LRP1B: variants seen among roughly 807,000 people sequenced by gnomAD.
The protein encoded by LRP1B is LDL receptor related protein 1B.
Under a neutral mutation model 556.6 loss-of-function variants are expected in LRP1B, and 217 were observed. The ratio of observed to expected loss-of-function variants is 0.39; its 90% confidence interval spans 0.35 to 0.44. The LOEUF is 0.44. LRP1B is among the 20% of genes least tolerant of loss of function. The pLI is 1.00. For synonymous variants in LRP1B, 2,047 were observed against 1,865.8 expected, an observed-to-expected ratio of 1.10 and a Z score of -2.50; for missense variants, 5,053 against 5,620.8, an observed-to-expected ratio of 0.90 and a Z score of 3.23.
At chr2:141,576,778 G>A (rs1359378195) in intron 2 of LRP1B, among the ~76,000 whole-genome samples, 4 of 116,602 alleles carry the variant, frequency 3.4e-5, no homozygotes, top group African/African-American at 1.2e-4. Flanking sequence ...AAAAGCTTCA[G>A]TCTGACCCTG....
intron 43 of LRP1B, among the ~76,000 whole-genome samples, chr2:140,590,587 C>T (rs1263558859): frequency 4.6e-5 from 7 of 151,826 alleles, no homozygotes; most frequent in Admixed American, 2.6e-4. Flanking sequence ...TCTCCCCAGC[C>T]CCCAACCCAG....
chr2:141,810,645 A>G (rs1696325744), intron 1 of LRP1B, among the ~76,000 whole-genome samples: 1 of 152,096 alleles, frequency 6.6e-6, no homozygotes, highest in Non-Finnish European at 1.5e-5. Flanking sequence ...AATAGTTAAA[A>G]ATTCTGTTCC....
intron 2 of LRP1B, among the ~76,000 whole-genome samples, chr2:141,586,798 CG>C (rs1183125595): frequency 2.0e-5 from 3 of 151,844 alleles, no homozygotes; most frequent in Non-Finnish European, 4.4e-5. Flanking sequence ...AAAAATTAGC[CG>C]GGCATGGTGG....
At chr2:141,320,587 T>C (rs1687204054) in intron 3 of LRP1B, among the ~76,000 whole-genome samples, 1 of 152,080 alleles carries the variant, frequency 6.6e-6, no homozygotes, top group Admixed American at 6.6e-5. Flanking sequence ...ACAGTACATC[T>C]CACCTACAAA....
chr2:140,470,756 T>G (rs1687736316), intron 60 of LRP1B, among the ~76,000 whole-genome samples: 1 of 151,860 alleles, frequency 6.6e-6, no homozygotes, highest in Non-Finnish European at 1.5e-5. Flanking sequence ...TCATGTCATA[T>G]TTTTCAACAC....
chr2:141,542,138 C>A (rs1003931002), intron 2 of LRP1B, among the ~76,000 whole-genome samples: 1 of 151,966 alleles, frequency 6.6e-6, no homozygotes, highest in African/African-American at 2.4e-5. Flanking sequence ...ACTAGGTGAA[C>A]CTTACACCTT....
intron 83 of LRP1B, among the ~76,000 whole-genome samples, chr2:140,311,141 A>G (rs1684278844): frequency 1.3e-5 from 2 of 151,988 alleles, no homozygotes; most frequent in Non-Finnish European, 2.9e-5. Flanking sequence ...CTAAAAATAA[A>G]ACTACCATTT....
At chr2:141,545,797 G>A (rs1218455001) in intron 2 of LRP1B, among the ~76,000 whole-genome samples, 1 of 152,090 alleles carries the variant, frequency 6.6e-6, no homozygotes, top group Non-Finnish European at 1.5e-5. Context: ...AGACAAAAAG[G>A]CCATGAGAGA....
In LRP1B at chr2:141,559,675, T is replaced by C. The variant is rs570543812; in HGVS notation, c.206-79142A>G. Among the ~76,000 whole-genome samples the C allele has an allele frequency of 8.8e-4, 134 of 151,752 alleles. 2 individuals carry two copies. The highest frequency in any genetic ancestry group is 3.1e-3 in the African/African-American group (128 of 41,494). ...GTTTTATCATTGCCAGCACCATGCATTGAATATTGTAGGTGCATGGTAAAT... is the reference window on the plus strand; with the variant it reads ...GTTTTATCATTGCCAGCACCATGCACTGAATATTGTAGGTGCATGGTAAAT... On this transcript the variant is annotated intron_variant, in intron 2 of 90. Coordinates refer to ENST00000389484, the MANE Select transcript of LRP1B (RefSeq NM_018557.3).
intron 5 of LRP1B, among the ~76,000 whole-genome samples, chr2:141,243,717 G>A (rs1174715641): frequency 6.6e-6 from 1 of 152,060 alleles, no homozygotes; most frequent in African/African-American, 2.4e-5. Flanking sequence ...AATTGCACTA[G>A]ATTACCATTG....
At chr2:141,660,021 C>G (rs1314266220) in intron 2 of LRP1B, among the ~76,000 whole-genome samples, 3 of 151,920 alleles carry the variant, frequency 2.0e-5, no homozygotes, top group Admixed American at 2.0e-4. Flanking sequence ...AGAATGTTTC[C>G]CTGGCAGAGA....
chr2:141,285,455 C>CTTTT (rs1170251213), intron 3 of LRP1B, among the ~76,000 whole-genome samples: 3 of 110,624 alleles, frequency 2.7e-5, no homozygotes, highest in African/African-American at 3.8e-5. Context: ...ATTTTTTTTT[C>CTTTT]TTTTTTTTTT....
chr2:141,143,992 A>T (rs1701720017), intron 7 of LRP1B, among the ~76,000 whole-genome samples: 1 of 152,136 alleles, frequency 6.6e-6, no homozygotes, highest in South Asian at 2.1e-4. Context: ...AGGGAAAAGC[A>T]TTCCTAGTGA....
At chr2:141,343,265 T>C (rs188732294) in intron 3 of LRP1B, among the ~76,000 whole-genome samples, 29 of 152,330 alleles carry the variant, frequency 1.9e-4, no homozygotes, top group African/African-American at 6.7e-4. Flanking sequence ...GCATAATTTC[T>C]TTATCTCTAC....
At chr2:141,414,939 T>A (rs1386200294) in intron 3 of LRP1B, among the ~76,000 whole-genome samples, 1 of 152,250 alleles carries the variant, frequency 6.6e-6, no homozygotes, top group Non-Finnish European at 1.5e-5. Flanking sequence ...TATATTTCCC[T>A]ATATTTTTCT....
intron 1 of LRP1B, among the ~76,000 whole-genome samples, chr2:141,937,778 A>C (rs1700680527): frequency 6.6e-6 from 1 of 152,170 alleles, no homozygotes; most frequent in South Asian, 2.1e-4. Flanking sequence ...GCCAAAGTCA[A>C]GAAGCTTATC....
chr2:141,429,164 CTGT>C (rs943646360), intron 3 of LRP1B, among the ~76,000 whole-genome samples: 3 of 118,070 alleles, frequency 2.5e-5, no homozygotes, highest in Non-Finnish European at 3.8e-5. Flanking sequence ...GGCAGCAACT[CTGT>C]TGTTTCTGCC....
At chr2:141,805,121 C>T (rs1011977953) in intron 2 of LRP1B, among the ~76,000 whole-genome samples, 1 of 152,070 alleles carries the variant, frequency 6.6e-6, no homozygotes, top group Admixed American at 6.6e-5. Context: ...TGAAAGAGAT[C>T]GACTGCATTT....
chr2:141,960,015 C>A (rs755345741), intron 1 of LRP1B, among the ~76,000 whole-genome samples: 5 of 151,790 alleles, frequency 3.3e-5, no homozygotes, highest in Non-Finnish European at 7.4e-5. Context: ...CAGTGAAGAC[C>A]TATGTATACA....
Sources: allele counts gnomAD v4.1 joint callset (sites outside exome capture counted in the v4.1 genomes callset), GRCh38; gene constraint gnomAD v4.1.1; transcripts MANE v1.5; gene names NCBI Gene and HGNC (gene_info 2026-07-23, HGNC 2026-07-21).